Variants in STK33 observed in about 807,000 individuals in gnomAD.
STK33 encodes the protein serine/threonine kinase 33, also known as serine/threonine-protein kinase 33.
A neutral mutation model predicts 58.0 loss-of-function variants in STK33; 52 were observed. The observed-to-expected ratio is 0.90, with a 90% confidence interval of 0.72 to 1.13. The LOEUF (loss-of-function observed/expected upper bound fraction) is 1.13, where lower values mean the gene tolerates loss of function less well. Among genes scored for constraint, STK33 ranks in the 50% most tolerant of loss-of-function variants. STK33 has a pLI of 0.00. For synonymous variants in STK33, 215 were observed against 200.1 expected, an observed-to-expected ratio of 1.07 and a Z score of -0.63; for missense variants, 630 against 604.2, an observed-to-expected ratio of 1.04 and a Z score of -0.45.
At chr11:8,562,726 A>G (rs1201411259) in intron 1 of STK33, among the ~76,000 whole-genome samples, 1 of 152,164 alleles carries the variant, frequency 6.6e-6, no homozygotes, top group African/African-American at 2.4e-5. Context: ...TCTTAGAAGT[A>G]ATAGTTACTA....
At chr11:8,484,691 T>C (rs965341920) in intron 1 of STK33, among the ~76,000 whole-genome samples, 4 of 152,228 alleles carry the variant, frequency 2.6e-5, no homozygotes, top group Non-Finnish European at 5.9e-5. Flanking sequence ...GACTATATTA[T>C]ACCTTAACAA....
intron 1 of STK33, among the ~76,000 whole-genome samples, chr11:8,585,366 A>C (rs1300233813): frequency 6.7e-6 from 1 of 150,308 alleles, no homozygotes; most frequent in Non-Finnish European, 1.5e-5. Context: ...CTGGGACTAC[A>C]GGCGCCCACT....
chr11:8,392,327 C>T lies in STK33; in HGVS notation c.*183G>A. The stretch of plus-strand genomic sequence containing the variant: ...GGTGGCTGTCCTTTAATGCCATGTG[C>T]AGCTTATGCTGCTTTGGAGATAAGC... On this transcript the variant is annotated 3_prime_UTR_variant, in exon 16 of 16. Transcript: ENST00000687296. 1.4e-6 allele frequency: 1 copy of T among 702,912 alleles called. No individual in the cohort carries two copies. Among genetic ancestry groups the T allele is most frequent in the Non-Finnish European group, 2.4e-6 (1 of 417,714 alleles). The allele number at this position is 702,912 out of a possible 1,614,324, so 43.5% of individuals were successfully genotyped here.
intron 6 of STK33, chr11:8,465,041 A>T (rs945668888): frequency 2.1e-5 from 7 of 337,668 alleles, no homozygotes; most frequent in Admixed American, 4.5e-5. Context: ...TTGGAGGAAA[A>T]CCATAAAAAT....
At chr11:8,449,466 A>C (rs1021666614) in intron 11 of STK33, among the ~76,000 whole-genome samples, 25 of 151,632 alleles carry the variant, frequency 1.6e-4, no homozygotes, top group African/African-American at 5.6e-4. Context: ...AAAAATGATG[A>C]GTTCAGGTCC....
At chr11:8,366,555 T>G in the STK33 span, among the ~76,000 whole-genome samples, 3 of 152,182 alleles carry the variant, frequency 2.0e-5, no homozygotes, top group African/African-American at 7.2e-5. Context: ...CCAAGTGACC[T>G]TGGGCAAGTG....
At chr11:8,337,439 C>T in the STK33 span, among the ~76,000 whole-genome samples, 1 of 152,186 alleles carries the variant, frequency 6.6e-6, no homozygotes, top group Non-Finnish European at 1.5e-5. Context: ...TGGCAGCCAA[C>T]AGGGCCGGCC....
intron 1 of STK33, among the ~76,000 whole-genome samples, chr11:8,520,047 G>A (rs1332356017): frequency 6.6e-6 from 1 of 152,064 alleles, no homozygotes; most frequent in African/African-American, 2.4e-5. Context: ...CAAAAAAAGA[G>A]AATTTTAGAC....
intron 1 of STK33, among the ~76,000 whole-genome samples, chr11:8,557,832 C>T (rs998414986): frequency 1.3e-5 from 2 of 152,050 alleles, no homozygotes; most frequent in Admixed American, 6.5e-5. Context: ...CAATCACATG[C>T]TGTTTATACC....
chr11:8,470,323 GC>G (rs146079268), intron 6 of STK33, among the ~76,000 whole-genome samples: 1,992 of 152,258 alleles, frequency 0.013, 39 homozygotes, highest in African/African-American at 0.046. Context: ...CTAGCTTCAA[GC>G]TTTTCTCCTA....
rs1227884696 is a variant in STK33 at position 8,440,702 on chromosome 11, C to T, written c.923G>A (p.Ser308Asn). 2.5e-6 allele frequency: 4 copies of T among 1,569,862 alleles called. No individual in the cohort carries two copies. Among genetic ancestry groups the T allele is most frequent in the Non-Finnish European group, 3.5e-6 (4 of 1,155,286 alleles). ...HDYSQQCDIW[S>N]IGVVMYMLLR... ...CAACATGTACATTACGACGCCTATGCTCCAAATGTCACACTGCTGGCTATA... is the reference window on the plus strand; with the variant it reads ...CAACATGTACATTACGACGCCTATGTTCCAAATGTCACACTGCTGGCTATA... Residue 308 changes from serine to asparagine, a missense_variant, in exon 12 of 16, where the codon AGC becomes AAC. Coordinates refer to ENST00000687296, the MANE Select transcript of STK33 (RefSeq NM_001352389.2).
At chr11:8,350,295 G>A in the STK33 span, among the ~76,000 whole-genome samples, 1 of 152,236 alleles carries the variant, frequency 6.6e-6, no homozygotes, top group Non-Finnish European at 1.5e-5. Flanking sequence ...CAGGCAGTTA[G>A]CGCAAGGGCA....
At chr11:8,366,392 G>C in the STK33 span, among the ~76,000 whole-genome samples, 3 of 152,362 alleles carry the variant, frequency 2.0e-5, no homozygotes, top group South Asian at 6.2e-4. Context: ...CTGTGAACAG[G>C]GCCAGCCCCA....
chr11:8,350,440 C>G, the STK33 span, among the ~76,000 whole-genome samples: 27 of 152,166 alleles, frequency 1.8e-4, no homozygotes, highest in Non-Finnish European at 3.7e-4. Context: ...TGAGAAGCAT[C>G]GGATGCCCCC....
intron 14 of STK33, among the ~76,000 whole-genome samples, chr11:8,422,876 G>A (rs1322388307): frequency 6.6e-6 from 1 of 151,458 alleles, no homozygotes; most frequent in African/African-American, 2.4e-5. Context: ...CCAGGCTGGA[G>A]TGCAGTAATG....
rs1157434847 is a variant in STK33, at chr11:8,392,027, ATGAC to A, written c.*479_*482del. On this transcript the variant is annotated 3_prime_UTR_variant, in exon 16 of 16. Transcript: ENST00000687296. ...CCTAAAATCTCACGAACACATGTGA[ATGAC>A]TGAAGCACTTCTGCTGTAATACGTA... The A allele has an allele frequency of 6.3e-6, 1 of 159,720 alleles. No individual in the cohort carries two copies. The highest frequency in any genetic ancestry group is 1.4e-5 in the Non-Finnish European group (1 of 72,228). The allele number at this position is 159,720 out of a possible 1,614,324, so 9.9% of individuals were successfully genotyped here.
chr11:8,568,916 G>A (rs1176163363), intron 1 of STK33, among the ~76,000 whole-genome samples: 1 of 152,078 alleles, frequency 6.6e-6, no homozygotes, highest in Non-Finnish European at 1.5e-5. Flanking sequence ...AAGATGACAA[G>A]GAAACTATGT....
At chr11:8,500,480 G>A (rs976720276) in intron 1 of STK33, among the ~76,000 whole-genome samples, 27 of 151,996 alleles carry the variant, frequency 1.8e-4, no homozygotes, top group African/African-American at 6.5e-4. Flanking sequence ...CAATCCAATA[G>A]TATAAAAAGA....
chr11:8,550,985 G>A (rs535468572), intron 1 of STK33, among the ~76,000 whole-genome samples: 1 of 152,184 alleles, frequency 6.6e-6, no homozygotes, highest in African/African-American at 2.4e-5. Flanking sequence ...AAGACTGGAA[G>A]AAAAAGAGAT....
Sources: allele counts gnomAD v4.1 joint callset (sites outside exome capture counted in the v4.1 genomes callset), GRCh38; gene constraint gnomAD v4.1.1; transcripts MANE v1.5; gene names NCBI Gene and HGNC (gene_info 2026-07-23, HGNC 2026-07-21).